The following SPOCD1 variants were observed in gnomAD, a reference collection of about 807,000 sequenced individuals.
The protein encoded by SPOCD1 is SPOC domain-containing protein 1.
Under a neutral mutation model 92.2 loss-of-function variants are expected in SPOCD1, and 64 were observed. That is an observed-to-expected ratio of 0.69 (90% CI 0.57 to 0.86). The LOEUF (loss-of-function observed/expected upper bound fraction) is 0.86, where lower values mean the gene tolerates loss of function less well. Ranked by LOEUF, SPOCD1 falls within the 40% of genes least tolerant of loss-of-function variation. SPOCD1 has a pLI of 0.00. For missense variants in SPOCD1, 1,360 were observed against 1,543.1 expected, an observed-to-expected ratio of 0.88 and a Z score of 1.99; for synonymous variants, 578 against 619.3, an observed-to-expected ratio of 0.93 and a Z score of 0.99.
chr1:31,792,586 G>T, intron 14 of SPOCD1, 92 bp downstream of exon 14: 4 of 1,234,148 alleles, frequency 3.2e-6, no homozygotes, highest in Non-Finnish European at 4.5e-6. Flanking sequence ...ACTAGACCCA[G>T]ATATCCAAGC....
chr1:31,804,985 C>CTTTTTTT lies in SPOCD1; in HGVS notation c.1384-3287_1384-3281dup, dbSNP rs1207433481. ...AAATTTCTTTTTTCTTTCTTTCTTTCTTTTTTTTTTTTTTGAGATGGAGTC... is the reference window on the plus strand; with the variant it reads ...AAATTTCTTTTTTCTTTCTTTCTTTCTTTTTTTTTTTTTTTTTTTTTGAGATGGAGTC... On this transcript the variant is annotated intron_variant, in intron 2 of 15. Coordinates refer to ENST00000360482, the MANE Select transcript of SPOCD1 (RefSeq NM_144569.7). 1.9e-3 allele frequency among the ~76,000 whole-genome samples: 202 copies of CTTTTTTT among 105,882 alleles called. 14 individuals are homozygous for CTTTTTTT. The highest frequency in any genetic ancestry group is 5.0e-3 in the African/African-American group (139 of 27,902). The allele number at this position is 105,882 out of a possible 152,430, so 69.5% of individuals were successfully genotyped here. A position where few individuals can be genotyped will look rare whatever the true frequency, so the allele number is the denominator to read the frequency against.
rs367607323 is a variant in SPOCD1, at chr1:31,815,368, G to C, written c.-35C>G. 2.0e-6 allele frequency: 3 copies of C among 1,507,968 alleles called. No individual in the cohort carries two copies. The highest frequency in any genetic ancestry group is 4.6e-5 in the East Asian group (2 of 43,686). 93.4% of individuals were successfully genotyped at this position (1,507,968 alleles called of 1,614,324 possible). On this transcript the variant is annotated 5_prime_UTR_variant, in exon 2 of 16. Coordinates refer to ENST00000360482, the MANE Select transcript of SPOCD1 (RefSeq NM_144569.7). ...CCTACCTGGGCCAAAAGCACAACAC[G>C]GGCCCTGTGTGGAGACAGAAAGAGG... is the stretch of plus-strand genomic sequence containing the variant.
rs137921698 is a variant in SPOCD1 at position 31,799,957 on chromosome 1, C to T, written c.1728+59G>A. 16 of 1,611,910 alleles carry T rather than the reference C, an allele frequency of 9.9e-6. No homozygotes were observed. The African/African-American group carries it at 1.2e-4, about 12-fold the overall frequency. Reference sequence around the variant, plus strand: ...TCCTCTAGTCACCTCCCCACTCCCACGTCCTCCCTGACCCATGCTCCAGTG... The same window carrying T: ...TCCTCTAGTCACCTCCCCACTCCCATGTCCTCCCTGACCCATGCTCCAGTG... On this transcript the variant is annotated intron_variant, in intron 5 of 15. Coordinates refer to ENST00000360482, the MANE Select transcript of SPOCD1 (RefSeq NM_144569.7).
intron 2 of SPOCD1, among the ~76,000 whole-genome samples, chr1:31,804,401 C>A (rs760288611): frequency 2.0e-5 from 3 of 152,162 alleles, no homozygotes; most frequent in Non-Finnish European, 4.4e-5. Flanking sequence ...ATCCCATTCA[C>A]CAAAATACCT....
chr1:31,801,943 GGATCACCT>G (rs1435036738), intron 2 of SPOCD1, among the ~76,000 whole-genome samples: 1 of 152,210 alleles, frequency 6.6e-6, no homozygotes, highest in Non-Finnish European at 1.5e-5. Context: ...TGAGGCGGGT[GGATCACCT>G]GAGATCAGGA....
rs772218273 is a variant in SPOCD1 at position 31,814,918 on chromosome 1, G to A, written c.416C>T (p.Ser139Phe). 1 of 1,613,860 alleles carries A rather than the reference G, an allele frequency of 6.2e-7. No homozygotes were observed. The highest frequency in any genetic ancestry group is 8.5e-7 in the Non-Finnish European group (1 of 1,179,996). The stretch of plus-strand genomic sequence containing the variant: ...CAGAGCTCTCTCTGGGAGGCCAGCA[G>A]ACCTGCTACAAAGTTTCCTGGGGCA... Reference protein sequence around the residue: ...DSCPRKLCSRSAGLPERALAC... With the variant: ...DSCPRKLCSRFAGLPERALAC... Residue 139 changes from serine (S) to phenylalanine (F), a missense_variant, in exon 2 of 16, where the codon TCT (serine) becomes TTT (phenylalanine). Physicochemically the swap from Ser to Phe is radical, Grantham distance 155. This residue lies in a region of SPOCD1 where 140 missense variants were observed against 183.8 expected (regional missense o/e 0.76). Coordinates refer to ENST00000360482, the MANE Select transcript of SPOCD1 (RefSeq NM_144569.7). The surrounding 1 kb of genome is among the most constrained non-coding windows in gnomAD (Gnocchi z 4.2).
chr1:31,803,470 C>T (rs535793867), intron 2 of SPOCD1, among the ~76,000 whole-genome samples: 20 of 152,004 alleles, frequency 1.3e-4, no homozygotes, highest in Middle Eastern at 3.4e-3. Context: ...AGACACATCA[C>T]GCCTGTAATC....
intron 2 of SPOCD1, among the ~76,000 whole-genome samples, chr1:31,808,503 T>C (rs1473525393): frequency 6.6e-6 from 1 of 150,582 alleles, no homozygotes; most frequent in Admixed American, 6.6e-5. Flanking sequence ...ATAATAATAA[T>C]TATAAATAAT....
intron 13 of SPOCD1, among the ~76,000 whole-genome samples, chr1:31,793,018 T>TA (rs1322205972): frequency 1.3e-5 from 2 of 152,210 alleles, no homozygotes; most frequent in Non-Finnish European, 2.9e-5. Context: ...CTTTAGCTGA[T>TA]CATTAAGTCA....
chr1:31,815,319 C>T lies in SPOCD1; in HGVS notation c.15G>A (p.Gly5=). Residue 5 remains glycine, a synonymous_variant, in exon 2 of 16, where the codon GGG becomes GGA. Coordinates refer to ENST00000360482, the MANE Select transcript of SPOCD1 (RefSeq NM_144569.7). Reference sequence around the variant, plus strand: ...CTCCTGTGCTGGGGCCTTCTACGTCCCCCGCCTGGGACATGTCTGTCCACC... The same window carrying T: ...CTCCTGTGCTGGGGCCTTCTACGTCTCCCGCCTGGGACATGTCTGTCCACC... MSQA[G]DVEGPSTGDP... 6.5e-7 allele frequency: 1 copy of T among 1,549,830 alleles called. No homozygotes were observed. Among genetic ancestry groups the T allele is most frequent in the Admixed American group, 1.9e-5 (1 of 52,186 alleles).
At position 31,793,929 on chromosome 1, in the gene SPOCD1, G is replaced by A. The variant is rs751432537; in HGVS notation, c.2384-32C>T. The A allele has an allele frequency of 5.0e-6, 8 of 1,595,814 alleles. No individual in the cohort carries two copies. The South Asian group carries it at 7.9e-5, about 16-fold the overall frequency. On this transcript the variant is annotated intron_variant, in intron 11 of 15. Transcript: ENST00000360482. The stretch of plus-strand genomic sequence containing the variant: ...ATAGCAGAGGCAGGAGCTGAAACAG[G>A]GGCAGCAGCAGCGCTGAAGCCAGCC...
chr1:31,808,904 G>A (rs72889204), intron 2 of SPOCD1, among the ~76,000 whole-genome samples: 4,220 of 152,076 alleles, frequency 0.028, 185 homozygotes, highest in African/African-American at 0.096. Flanking sequence ...CATATGCAAA[G>A]CACAAAACAG....
chr1:31,798,698 G>T lies in SPOCD1; in HGVS notation c.1869-97C>A. On this transcript the variant is annotated intron_variant, in intron 7 of 15. Transcript: ENST00000360482. This position sits in a 1 kb window ranked among gnomAD's most constrained non-coding sequence, Gnocchi z 4.1. ...CAGCTGGGTGGGCGGCAGGGTCTGG[G>T]CCAACTTGTTCCTGTCGTGGGTGTT... 2 of 1,382,584 alleles carry T rather than the reference G, an allele frequency of 1.4e-6. No homozygotes were observed. Among genetic ancestry groups the T allele is most frequent in the Non-Finnish European group, 2.0e-6 (2 of 1,016,608 alleles). The allele number at this position is 1,382,584 out of a possible 1,614,324, so 85.6% of individuals were successfully genotyped here.
In SPOCD1 at chr1:31,790,500, T is replaced by G; in HGVS notation, c.*103A>C. ...AAACAGGAAGTTCAAACAGGGCAGG[T>G]GGGTAGGGCTGACCATCCTCTCCTT... On this transcript the variant is annotated 3_prime_UTR_variant, in exon 16 of 16. Coordinates refer to ENST00000360482, the MANE Select transcript of SPOCD1 (RefSeq NM_144569.7). The G allele has an allele frequency of 2.0e-6, 2 of 1,013,914 alleles. No individual in the cohort carries two copies. The highest frequency in any genetic ancestry group is 2.9e-6 in the Non-Finnish European group (2 of 699,722). 62.8% of individuals were successfully genotyped at this position (1,013,914 alleles called of 1,614,324 possible).
At chr1:31,812,557 C>T (rs1649273282) in intron 2 of SPOCD1, among the ~76,000 whole-genome samples, 1 of 152,212 alleles carries the variant, frequency 6.6e-6, no homozygotes, top group South Asian at 2.1e-4. Flanking sequence ...TGGAAAACAG[C>T]TCACTGGTTC....
At chr1:31,792,851 C>T in intron 13 of SPOCD1, 84 bp from the exon 14 acceptor site, 7 of 1,089,426 alleles carry the variant, frequency 6.4e-6, no homozygotes, top group Non-Finnish European at 9.6e-6. Flanking sequence ...TGGAAGGCTG[C>T]AGCCTGTGGC....
chr1:31,807,533 TATGA>T (rs1160353025), intron 2 of SPOCD1, among the ~76,000 whole-genome samples: 4 of 150,384 alleles, frequency 2.7e-5, no homozygotes, highest in Non-Finnish European at 4.4e-5. Flanking sequence ...ATGTTAAGTC[TATGA>T]ATGCAGCAAA....
Position 31,794,205 on chromosome 1 carries a change from G to A in SPOCD1, c.2302C>T (p.Gln768Ter). 6.2e-7 allele frequency: 1 copy of A among 1,613,990 alleles called. No homozygotes were observed. Among genetic ancestry groups the A allele is most frequent in the Non-Finnish European group, 8.5e-7 (1 of 1,179,880 alleles). ...GPQMFMDCSP[Q>*]ALPIASEDTT... ...TCCTCTGATGCGATGGGCAGGGCCT[G>A]TGGGCTGCAGTCCATGAACATCTGC... The change falls in exon 11 of 16, where the codon CAG (glutamine) becomes TAG (stop). Residue 768 changes from glutamine (Q) to a stop codon, truncating the protein, a stop_gained. Transcript: ENST00000360482. LOFTEE classifies it high-confidence loss of function.
At position 31,796,404 on chromosome 1, in the gene SPOCD1, G is replaced by C; in HGVS notation, c.2271+186C>G. On this transcript the variant is annotated intron_variant, in intron 10 of 15. Transcript: ENST00000360482. ...ACAGTGACAAGGCGCTGGCAGGCCT[G>C]TGCCAGCAGCACTGTCCCACCCCAT... is the stretch of plus-strand genomic sequence containing the variant. The C allele has an allele frequency of 4.4e-6, 4 of 907,260 alleles. No individual in the cohort carries two copies. In the South Asian group the frequency reaches 6.1e-5, roughly 14 times the overall value. The allele number at this position is 907,260 out of a possible 1,614,324, so 56.2% of individuals were successfully genotyped here. A position where few individuals can be genotyped will look rare whatever the true frequency, so the allele number is the denominator to read the frequency against.
Sources: allele counts gnomAD v4.1 joint callset (sites outside exome capture counted in the v4.1 genomes callset), GRCh38; gene constraint gnomAD v4.1.1; regional missense constraint gnomAD v4.1.1; non-coding constraint Gnocchi (gnomAD v3.1); transcripts MANE v1.5; gene names NCBI Gene and HGNC (gene_info 2026-07-23, HGNC 2026-07-21).